Variants in RFTN1 observed in about 807,000 individuals in gnomAD.
The protein encoded by RFTN1 is raftlin.
A neutral mutation model predicts 46.5 loss-of-function variants in RFTN1; 26 were observed. That is an observed-to-expected ratio of 0.56 (90% CI 0.41 to 0.78). RFTN1 has a LOEUF of 0.78. Ranked by LOEUF, RFTN1 falls within the 30% of genes least tolerant of loss-of-function variation. The pLI, the probability that RFTN1 is intolerant of heterozygous loss-of-function variation, is 0.00. For missense variants in RFTN1, 693 were observed against 718.7 expected (o/e 0.96, Z 0.41); for synonymous variants, 261 against 284.2 (o/e 0.92, Z 0.82).
rs1032773245 is a variant in RFTN1, at chr3:16,374,411, G to A, written c.826+3307C>T. Among the ~76,000 whole-genome samples the A allele has an allele frequency of 2.6e-5, 4 of 152,142 alleles. No homozygotes were observed. Among genetic ancestry groups the A allele is most frequent in the South Asian group, 4.1e-4 (2 of 4,824 alleles). ...CAGGTGGCAGATCTGGGAGGGGGCC[G>A]CATCATGGGGTCCAACTATCCCAAG... On this transcript the variant is annotated intron_variant, in intron 5 of 9. Coordinates refer to ENST00000334133, the MANE Select transcript of RFTN1 (RefSeq NM_015150.2). This position sits in a 1 kb window ranked among gnomAD's most constrained non-coding sequence, Gnocchi z 5.4.
rs1042768715 is a variant in RFTN1 at position 16,327,013 on chromosome 3, C to T, written c.1147-137G>A. 14 of 610,880 alleles carry T rather than the reference C, an allele frequency of 2.3e-5. No individual in the cohort carries two copies. Among genetic ancestry groups the T allele is most frequent in the South Asian group, 8.0e-5 (4 of 49,880 alleles). The allele number at this position is 610,880 out of a possible 1,614,324, so 37.8% of individuals were successfully genotyped here. ...CCCGGCCACTCAGAGGCTCCTGCTC[C>T]GATGCTTGCTGAAGACTTTAAAAGT... On this transcript the variant is annotated intron_variant, in intron 7 of 9. Coordinates refer to ENST00000334133, the MANE Select transcript of RFTN1 (RefSeq NM_015150.2). The surrounding 1 kb of genome is among the most constrained non-coding windows in gnomAD (Gnocchi z 4.2).
In RFTN1 at chr3:16,426,575, A is replaced by T. The variant is rs1449203426; in HGVS notation, c.332+7276T>A. ...CCTTTCTTTGAAGGCCATCCTTTGA[A>T]TGTCTTTTAAAAGAAAAAGAAGAGT... On this transcript the variant is annotated intron_variant, in intron 3 of 9. Coordinates refer to ENST00000334133, the MANE Select transcript of RFTN1 (RefSeq NM_015150.2). The surrounding 1 kb of genome is among the most constrained non-coding windows in gnomAD (Gnocchi z 5.9). Among the ~76,000 whole-genome samples, 1 of 151,980 alleles carries T rather than the reference A, an allele frequency of 6.6e-6. No homozygotes were observed. The highest frequency in any genetic ancestry group is 1.5e-5 in the Non-Finnish European group (1 of 68,002).
chr3:16,462,252 G>T (rs140707648), intron 2 of RFTN1, among the ~76,000 whole-genome samples: 547 of 152,276 alleles, frequency 3.6e-3, no homozygotes, highest in Non-Finnish European at 5.7e-3. Context: ...TCCACATAAT[G>T]CACTTAGCAT....
chr3:16,394,416 C>A (rs1475192643), intron 4 of RFTN1, among the ~76,000 whole-genome samples: 1 of 152,100 alleles, frequency 6.6e-6, no homozygotes, highest in East Asian at 1.9e-4. Context: ...TGCAGGAATT[C>A]TACACACAAA....
intron 6 of RFTN1, among the ~76,000 whole-genome samples, chr3:16,362,760 T>G (rs888720176): frequency 6.6e-6 from 1 of 152,168 alleles, no homozygotes; most frequent in African/African-American, 2.4e-5. Flanking sequence ...AGTACTTAAG[T>G]GCTTAATTCA....
intron 3 of RFTN1, among the ~76,000 whole-genome samples, chr3:16,423,024 C>T (rs867998687): frequency 4.0e-5 from 6 of 151,726 alleles, no homozygotes; most frequent in African/African-American, 7.3e-5. Context: ...AAAAATTAGC[C>T]GGGCATGGTG....
chr3:16,468,301 T>A lies in RFTN1; in HGVS notation c.145+25424A>T, dbSNP rs574631110. On this transcript the variant is annotated intron_variant, in intron 2 of 9. Transcript: ENST00000334133. This position sits in a 1 kb window ranked among gnomAD's most constrained non-coding sequence, Gnocchi z 4.4. ...TGTAGGAGTTCCCAAACCCTCACTGTCGTTCGTTTTTGAAGTACCTGCATT... is the reference window on the plus strand; with the variant it reads ...TGTAGGAGTTCCCAAACCCTCACTGACGTTCGTTTTTGAAGTACCTGCATT... 6.6e-6 allele frequency among the ~76,000 whole-genome samples: 1 copy of A among 152,288 alleles called. No homozygotes were observed. Among genetic ancestry groups the A allele is most frequent in the African/African-American group, 2.4e-5 (1 of 41,562 alleles).
chr3:16,460,577 C>A lies in RFTN1; in HGVS notation c.146-26540G>T, dbSNP rs1304322422. The stretch of plus-strand genomic sequence containing the variant: ...CAAAACCAAAACCTCACATTTCAAG[C>A]AGAGGCTGGGTGGGGAATATATATT... On this transcript the variant is annotated intron_variant, in intron 2 of 9. Transcript: ENST00000334133. This position sits in a 1 kb window ranked among gnomAD's most constrained non-coding sequence, Gnocchi z 4.8. Among the ~76,000 whole-genome samples the A allele has an allele frequency of 6.6e-6, 1 of 152,120 alleles. No homozygotes were observed. Among genetic ancestry groups the A allele is most frequent in the Non-Finnish European group, 1.5e-5 (1 of 68,016 alleles).
chr3:16,401,823 CCCAA>C (rs1288009203), intron 4 of RFTN1, among the ~76,000 whole-genome samples: 7 of 152,182 alleles, frequency 4.6e-5, no homozygotes, highest in Non-Finnish European at 8.8e-5. Context: ...CAGCCAGGTG[CCCAA>C]CCAAACAACA....
chr3:16,491,524 C>G (rs980648587), intron 2 of RFTN1, among the ~76,000 whole-genome samples: 1 of 152,076 alleles, frequency 6.6e-6, no homozygotes, highest in Non-Finnish European at 1.5e-5. Flanking sequence ...AAGCAGAAAA[C>G]AAAAGATAAT....
rs2076808748 is a variant in RFTN1 at position 16,506,481 on chromosome 3, G to T, written c.-9+6961C>A. 6.6e-6 allele frequency among the ~76,000 whole-genome samples: 1 copy of T among 152,104 alleles called. No individual in the cohort carries two copies. The highest frequency in any genetic ancestry group is 1.5e-5 in the Non-Finnish European group (1 of 68,016). On this transcript the variant is annotated intron_variant, in intron 1 of 9. Coordinates refer to ENST00000334133, the MANE Select transcript of RFTN1 (RefSeq NM_015150.2). This position sits in a 1 kb window ranked among gnomAD's most constrained non-coding sequence, Gnocchi z 4.8. ...GGGAACCCAGATGACAGTAAGTAGA[G>T]GTGTGAGCAGTGGTCAAATTCTGTA... is the stretch of plus-strand genomic sequence containing the variant.
At position 16,451,745 on chromosome 3, in the gene RFTN1, T is replaced by A. The variant is rs1479949408; in HGVS notation, c.146-17708A>T. Among the ~76,000 whole-genome samples the A allele has an allele frequency of 6.6e-6, 1 of 152,208 alleles. No individual in the cohort carries two copies. Among genetic ancestry groups the A allele is most frequent in the Non-Finnish European group, 1.5e-5 (1 of 68,036 alleles). ...ACTACTAGCGTGATTTTTTTTTCCT[T>A]CCTCACAATTTCATAGATGGAAGAT... On this transcript the variant is annotated intron_variant, in intron 2 of 9. Coordinates refer to ENST00000334133, the MANE Select transcript of RFTN1 (RefSeq NM_015150.2). The surrounding 1 kb of genome is among the most constrained non-coding windows in gnomAD (Gnocchi z 4.2).
intron 5 of RFTN1, 82 bp downstream of exon 5, chr3:16,377,636 T>C (rs958674942): frequency 1.3e-6 from 2 of 1,508,760 alleles, no homozygotes; most frequent in African/African-American, 1.4e-5. Flanking sequence ...CATTCCTTTT[T>C]CTCTGAGATA....
rs1010309014 is a variant in RFTN1 at position 16,427,623 on chromosome 3, A to G, written c.332+6228T>C. On this transcript the variant is annotated intron_variant, in intron 3 of 9. Transcript: ENST00000334133. This position sits in a 1 kb window ranked among gnomAD's most constrained non-coding sequence, Gnocchi z 5.4. ...AATTTGGGATGAAGCAGCTCACCGT[A>G]ACTCTCAACAACCCACTGCATCTCT... Among the ~76,000 whole-genome samples, 1 of 152,208 alleles carries G rather than the reference A, an allele frequency of 6.6e-6. No homozygotes were observed. Among genetic ancestry groups the G allele is most frequent in the Non-Finnish European group, 1.5e-5 (1 of 68,028 alleles).
chr3:16,386,227 T>G (rs1265307319), intron 4 of RFTN1, among the ~76,000 whole-genome samples: 1 of 152,136 alleles, frequency 6.6e-6, no homozygotes, highest in Non-Finnish European at 1.5e-5. Flanking sequence ...GAAGCAGGGC[T>G]AGCAAAAGTG....
intron 3 of RFTN1, among the ~76,000 whole-genome samples, chr3:16,432,425 G>A (rs2075406925): frequency 6.6e-6 from 1 of 152,206 alleles, no homozygotes; most frequent in Admixed American, 6.5e-5. Flanking sequence ...GGCTGAGGTG[G>A]GAGGATGGCT....
chr3:16,487,716 A>T (rs2076472370), intron 2 of RFTN1, among the ~76,000 whole-genome samples: 1 of 152,176 alleles, frequency 6.6e-6, no homozygotes, highest in African/African-American at 2.4e-5. Flanking sequence ...TGCATAAAAC[A>T]TAGTCGATTT....
At chr3:16,469,786 G>T (rs556491761) in intron 2 of RFTN1, among the ~76,000 whole-genome samples, 1 of 152,192 alleles carries the variant, frequency 6.6e-6, no homozygotes, top group African/African-American at 2.4e-5. Context: ...GCACTGACTG[G>T]ACACAAAGCC....
intron 2 of RFTN1, among the ~76,000 whole-genome samples, chr3:16,438,306 T>G (rs1471885034): frequency 1.3e-5 from 2 of 152,082 alleles, no homozygotes; most frequent in African/African-American, 4.8e-5. Flanking sequence ...GGGTTCTTGC[T>G]GGGCATGGTG....
Sources: gnomAD v4.1 joint callset for allele counts (sites outside exome capture counted in the v4.1 genomes callset) on GRCh38, gnomAD v4.1.1 for gene constraint, Gnocchi (gnomAD v3.1) non-coding constraint, MANE v1.5 for transcripts, NCBI Gene and HGNC (gene_info 2026-07-23, HGNC 2026-07-21) for gene names.